MYO5B: variants seen among roughly 807,000 people sequenced by gnomAD.
MYO5B encodes the protein myosin VB, also known as unconventional myosin-Vb.
MYO5B carries 143 observed loss-of-function variants against 229.3 expected under a neutral mutation model. The observed-to-expected ratio is 0.62, with a 90% CI of 0.54 to 0.72. The LOEUF (loss-of-function observed/expected upper bound fraction) is 0.72. Among genes scored for constraint, MYO5B ranks in the 30% least tolerant of loss-of-function variants. The pLI, the probability that MYO5B is intolerant of heterozygous loss-of-function variation, is 0.00. For missense variants in MYO5B, 2,321 were observed against 2,331.0 expected, an observed-to-expected ratio of 1.00 and a Z score of 0.09; for synonymous variants, 918 against 885.2, an observed-to-expected ratio of 1.04 and a Z score of -0.66.
intron 1 of MYO5B, among the ~76,000 whole-genome samples, chr18:50,148,625 A>T (rs1160669577): frequency 6.6e-6 from 1 of 152,232 alleles, no homozygotes; most frequent in South Asian, 2.1e-4. Flanking sequence ...TCTTTGACAA[A>T]ATTCAACAAC....
At chr18:50,156,424 C>T (rs939266050) in intron 1 of MYO5B, among the ~76,000 whole-genome samples, 5 of 152,146 alleles carry the variant, frequency 3.3e-5, no homozygotes, top group African/African-American at 9.7e-5. Flanking sequence ...ATAGTGAGTT[C>T]TCATGAGATC....
chr18:49,940,650 T>C (rs1170213800), intron 14 of MYO5B, among the ~76,000 whole-genome samples: 1 of 152,176 alleles, frequency 6.6e-6, no homozygotes, highest in African/African-American at 2.4e-5. Flanking sequence ...ACTCTGGTAT[T>C]TTTCACATAT....
chr18:49,883,922 A>G (rs2024615724), intron 22 of MYO5B, among the ~76,000 whole-genome samples: 1 of 152,252 alleles, frequency 6.6e-6, no homozygotes, highest in African/African-American at 2.4e-5. Context: ...GAAAAAAATG[A>G]AGCTGGACCA....
intron 30 of MYO5B, among the ~76,000 whole-genome samples, chr18:49,854,331 T>C (rs933291037): frequency 1.3e-5 from 2 of 152,194 alleles, no homozygotes; most frequent in African/African-American, 4.8e-5. Flanking sequence ...CTAGAGATCT[T>C]GCAAAGATTG....
chr18:50,131,338 G>A (rs990042891), intron 1 of MYO5B, among the ~76,000 whole-genome samples: 2 of 152,098 alleles, frequency 1.3e-5, no homozygotes, highest in African/African-American at 4.8e-5. Context: ...CTCCATCCAA[G>A]CACATTTGTA....
chr18:49,929,601 GCC>G lies in MYO5B; in HGVS notation c.2004-5_2004-4del. 1 of 1,505,392 alleles carries G rather than the reference GCC, an allele frequency of 6.6e-7. No individual in the cohort carries two copies. The highest frequency in any genetic ancestry group is 2.4e-5 in the East Asian group (1 of 41,528). The allele number at this position is 1,505,392 out of a possible 1,614,324, so 93.3% of individuals were successfully genotyped here. ...GCACTGCTCTCTTTGGGTCAAAGCT[GCC>G]AAAGGAGAAAAAAAAAAAAAAAAGC... On this transcript the variant is annotated splice_polypyrimidine_tract_variant and splice_region_variant and intron_variant, in intron 16 of 39. Coordinates refer to ENST00000285039, the MANE Select transcript of MYO5B (RefSeq NM_001080467.3).
chr18:49,953,764 CCCTGAAGAGCAG>C (rs1175472755), intron 13 of MYO5B, among the ~76,000 whole-genome samples: 8 of 152,112 alleles, frequency 5.3e-5, no homozygotes, highest in Non-Finnish European at 1.5e-5. Context: ...GAAAGCAGCC[CCCTGAAGAGCAG>C]CTACACAGGC....
chr18:50,000,910 A>G (rs1414958544), intron 5 of MYO5B, among the ~76,000 whole-genome samples: 1 of 152,148 alleles, frequency 6.6e-6, no homozygotes, highest in Non-Finnish European at 1.5e-5. Flanking sequence ...CAAAGCTTCT[A>G]AGAGTTTCGG....
intron 1 of MYO5B, among the ~76,000 whole-genome samples, chr18:50,057,055 C>G (rs1331045548): frequency 1.3e-5 from 2 of 152,166 alleles, no homozygotes; most frequent in African/African-American, 4.8e-5. Context: ...TAACAAAGAG[C>G]TTTATTGCAT....
intron 17 of MYO5B, among the ~76,000 whole-genome samples, chr18:49,915,878 A>G (rs902086456): frequency 2.0e-5 from 3 of 152,190 alleles, no homozygotes; most frequent in Non-Finnish European, 2.9e-5. Flanking sequence ...TCGGCCCCCA[A>G]GTTTTAAATA....
chr18:50,156,529 T>C (rs2032681816), intron 1 of MYO5B, among the ~76,000 whole-genome samples: 1 of 152,224 alleles, frequency 6.6e-6, no homozygotes, highest in Non-Finnish European at 1.5e-5. Flanking sequence ...CCTTCAGCCA[T>C]GATTGTAAAT....
At chr18:50,104,517 T>C (rs987560490) in intron 1 of MYO5B, among the ~76,000 whole-genome samples, 3 of 151,834 alleles carry the variant, frequency 2.0e-5, no homozygotes, top group Admixed American at 2.0e-4. Context: ...GATCATACAA[T>C]TGTTCACTGT....
intron 22 of MYO5B, among the ~76,000 whole-genome samples, chr18:49,887,793 G>T (rs2024661252): frequency 6.6e-6 from 1 of 152,058 alleles, no homozygotes; most frequent in South Asian, 2.1e-4. Context: ...CAATTCTCCT[G>T]CCTCAGCCTC....
At chr18:50,087,354 G>A (rs1357804136) in intron 1 of MYO5B, among the ~76,000 whole-genome samples, 3 of 151,960 alleles carry the variant, frequency 2.0e-5, no homozygotes, top group Non-Finnish European at 2.9e-5. Context: ...GGTAGATCAC[G>A]AAGCAGGAGA....
intron 4 of MYO5B, among the ~76,000 whole-genome samples, chr18:50,030,594 C>A (rs1003746603): frequency 1.1e-4 from 17 of 152,184 alleles, no homozygotes; most frequent in African/African-American, 4.1e-4. Flanking sequence ...TAACTAGAAT[C>A]CCTATCCTTG....
At position 50,102,180 on chromosome 18, in the gene MYO5B, A is replaced by T. The variant is rs1186367232; in HGVS notation, c.28-46802T>A. Among the ~76,000 whole-genome samples the T allele has an allele frequency of 1.3e-4, 20 of 152,294 alleles. No individual in the cohort carries two copies. The East Asian group carries it at 3.5e-3, about 27-fold the overall frequency. Reference sequence around the variant, plus strand: ...AACCAAATACCACTTATTCTCACTCATAAGTGGGGGTTGAACAACTAGAAC... The same window carrying T: ...AACCAAATACCACTTATTCTCACTCTTAAGTGGGGGTTGAACAACTAGAAC... On this transcript the variant is annotated intron_variant, in intron 1 of 39. Coordinates refer to ENST00000285039, the MANE Select transcript of MYO5B (RefSeq NM_001080467.3).
At chr18:50,044,019 C>A (rs1005094488) in intron 2 of MYO5B, among the ~76,000 whole-genome samples, 1 of 152,010 alleles carries the variant, frequency 6.6e-6, no homozygotes. Flanking sequence ...CACCTATTCC[C>A]CAAAAACCTA....
chr18:50,041,219 A>T (rs2030005951), intron 2 of MYO5B, among the ~76,000 whole-genome samples: 1 of 152,204 alleles, frequency 6.6e-6, no homozygotes, highest in Non-Finnish European at 1.5e-5. Context: ...GGCAACTGAA[A>T]TTTAAAATAC....
intron 1 of MYO5B, among the ~76,000 whole-genome samples, chr18:50,122,191 T>C (rs1200778406): frequency 6.6e-6 from 1 of 152,066 alleles, no homozygotes; most frequent in Non-Finnish European, 1.5e-5. Context: ...TCAATGACAA[T>C]TTTCGCCACC....
Sources: gnomAD v4.1 joint callset for allele counts (sites outside exome capture counted in the v4.1 genomes callset) on GRCh38, gnomAD v4.1.1 for gene constraint, MANE v1.5 for transcripts, NCBI Gene and HGNC (gene_info 2026-07-23, HGNC 2026-07-21) for gene names.